AGTPBP1: variants seen among roughly 807,000 people sequenced by gnomAD.
The protein encoded by AGTPBP1 is cytosolic carboxypeptidase 1.
Under a neutral mutation model 143.9 loss-of-function variants are expected in AGTPBP1, and 70 were observed. That is an observed-to-expected ratio of 0.49 (90% CI 0.40 to 0.59). AGTPBP1 has a LOEUF of 0.59. Among genes scored for constraint, AGTPBP1 ranks in the 20% least tolerant of loss-of-function variants. The probability of loss-of-function intolerance (pLI) is 0.00; values close to 1 mark genes in which losing one functional copy is unlikely to be tolerated. For missense variants in AGTPBP1, 1,229 were observed against 1,464.5 expected (o/e 0.84, Z 2.62); for synonymous variants, 463 against 500.2 (o/e 0.93, Z 0.99).
At chr9:85,606,657 G>C (rs1412861762) in intron 17 of AGTPBP1, among the ~76,000 whole-genome samples, 4 of 151,910 alleles carry the variant, frequency 2.6e-5, no homozygotes, top group African/African-American at 9.7e-5. Flanking sequence ...ATCAACCTCA[G>C]CATCCATCAA....
At chr9:85,643,011 G>C (rs775986611) in intron 12 of AGTPBP1, 68 bp from the exon 13 acceptor site, 3 of 987,022 alleles carry the variant, frequency 3.0e-6, no homozygotes, top group South Asian at 2.9e-5. Flanking sequence ...AAACATTTTA[G>C]ATTTAAAATG....
upstream of AGTPBP1, among the ~76,000 whole-genome samples, chr9:85,746,106 CTT>C (rs1209506494): frequency 6.6e-6 from 1 of 152,068 alleles, no homozygotes; most frequent in African/African-American, 2.4e-5. Context: ...GGCGACCAGC[CTT>C]CCTTTTCCCC....
chr9:85,671,564 G>A (rs568835637), intron 7 of AGTPBP1, among the ~76,000 whole-genome samples: 8 of 151,694 alleles, frequency 5.3e-5, no homozygotes, highest in South Asian at 2.1e-4. Flanking sequence ...ATGTATATAC[G>A]CAATATACAC....
the AGTPBP1 span, chr9:85,781,100 A>G: frequency 2.2e-6 from 3 of 1,385,792 alleles, no homozygotes; most frequent in Non-Finnish European, 2.8e-6. Context: ...AGCCTGGGCG[A>G]CAGTGCAAGA....
chr9:85,619,015 T>C lies in AGTPBP1; in HGVS notation c.2303A>G (p.Asn768Ser). 1 of 1,613,512 alleles carries C rather than the reference T, an allele frequency of 6.2e-7. No homozygotes were observed. The highest frequency in any genetic ancestry group is 8.5e-7 in the Non-Finnish European group (1 of 1,179,772). Residue 768 changes from asparagine to serine, a missense_variant, in exon 17 of 26, where the codon AAC becomes AGC. Around this residue, in one of 2 missense-constraint regions of AGTPBP1, gnomAD observed 486 missense variants for 652.3 expected, o/e 0.75. Coordinates refer to ENST00000357081, the MANE Select transcript of AGTPBP1 (RefSeq NM_001330701.2). ...AAACTGACTGTTGGACTTTTCACAG[T>C]TAATGATGTTAAACCTGTAAGCAAC... ...PGVAYRFNII[N>S]CEKSNSQFNY...
chr9:85,626,685 TCTC>T (rs10551728), intron 14 of AGTPBP1, among the ~76,000 whole-genome samples: 22,505 of 151,996 alleles, frequency 0.15, 1,963 homozygotes, highest in East Asian at 0.37. Context: ...TCAGCAAACT[TCTC>T]CTACAAAGAG....
intron 1 of AGTPBP1, among the ~76,000 whole-genome samples, chr9:85,719,737 C>T (rs978063901): frequency 6.6e-6 from 1 of 152,156 alleles, no homozygotes; most frequent in Non-Finnish European, 1.5e-5. Flanking sequence ...TTGTCTTGTG[C>T]CAGTTTTCAA....
At position 85,628,492 on chromosome 9, in the gene AGTPBP1, T is replaced by C. The variant is rs537898400; in HGVS notation, c.2015+4170A>G. Among the ~76,000 whole-genome samples the C allele has an allele frequency of 9.2e-5, 14 of 152,282 alleles. 1 individual carries two copies. In the South Asian group the frequency reaches 1.5e-3, roughly 16 times the overall value. ...GCAAAGGTTTTAGATTGCTTCAGAA[T>C]TTATGACTTATTTCTGCAGCAACAA... is the stretch of plus-strand genomic sequence containing the variant. On this transcript the variant is annotated intron_variant, in intron 14 of 25. Coordinates refer to ENST00000357081, the MANE Select transcript of AGTPBP1 (RefSeq NM_001330701.2).
chr9:85,625,613 C>T (rs62566939), intron 14 of AGTPBP1, among the ~76,000 whole-genome samples: 2,477 of 151,142 alleles, frequency 0.016, 29 homozygotes, highest in Middle Eastern at 0.055. Context: ...TTGCCGGGCA[C>T]GGTGGCTCAC....
chr9:85,623,816 G>C (rs1831102100), intron 14 of AGTPBP1, among the ~76,000 whole-genome samples: 1 of 151,260 alleles, frequency 6.6e-6, no homozygotes, highest in African/African-American at 2.4e-5. Flanking sequence ...GTGTTAAGCA[G>C]ATCAACTTTT....
At chr9:85,569,950 C>G (rs1465911718) in intron 25 of AGTPBP1, among the ~76,000 whole-genome samples, 2 of 152,200 alleles carry the variant, frequency 1.3e-5, no homozygotes, top group African/African-American at 4.8e-5. Flanking sequence ...TTTTCTTCAG[C>G]CTTAACTTTT....
intron 8 of AGTPBP1, among the ~76,000 whole-genome samples, chr9:85,665,333 T>C (rs1416232396): frequency 1.3e-5 from 2 of 152,086 alleles, no homozygotes; most frequent in African/African-American, 2.4e-5. Flanking sequence ...ACACCAAAGA[T>C]TGCCAGCAAA....
the AGTPBP1 span, among the ~76,000 whole-genome samples, chr9:85,801,703 T>C: frequency 6.6e-6 from 1 of 152,172 alleles, no homozygotes; most frequent in African/African-American, 2.4e-5. Flanking sequence ...ATTAGAAATC[T>C]CACTTTAGCA....
chr9:85,799,074 G>A, the AGTPBP1 span, among the ~76,000 whole-genome samples: 2 of 152,028 alleles, frequency 1.3e-5, no homozygotes, highest in African/African-American at 2.4e-5. Flanking sequence ...GAGTGAGAAC[G>A]TGCGGTGTTT....
chr9:85,742,453 A>G (rs1373114734), upstream of AGTPBP1, among the ~76,000 whole-genome samples: 1 of 151,678 alleles, frequency 6.6e-6, no homozygotes, highest in Non-Finnish European at 1.5e-5. Context: ...GGACTGCGGT[A>G]AAGCTTAGAC....
chr9:85,552,898 T>C (rs1826114966), intron 25 of AGTPBP1, among the ~76,000 whole-genome samples: 1 of 152,168 alleles, frequency 6.6e-6, no homozygotes, highest in Non-Finnish European at 1.5e-5. Flanking sequence ...AACAGAAAAA[T>C]ATGCCATTGC....
the AGTPBP1 span, among the ~76,000 whole-genome samples, chr9:85,788,960 G>A: frequency 7.2e-5 from 11 of 151,938 alleles, no homozygotes; most frequent in South Asian, 2.3e-3. Context: ...ATTTGAGAAT[G>A]TATTCTGATA....
intron 14 of AGTPBP1, 107 bp downstream of exon 14, chr9:85,632,555 A>G (rs1831747549): frequency 6.1e-6 from 6 of 981,360 alleles, no homozygotes; most frequent in Middle Eastern, 2.4e-4. Context: ...ACAGTAACTT[A>G]TAACTCACAG....
chr9:85,699,602 C>CA (rs33990890), intron 2 of AGTPBP1, among the ~76,000 whole-genome samples: 1,719 of 143,696 alleles, frequency 0.012, 19 homozygotes, highest in Non-Finnish European at 0.016. Context: ...TAATAAACAG[C>CA]AAAAAAAAAA....
Sources: allele counts gnomAD v4.1 joint callset (sites outside exome capture counted in the v4.1 genomes callset), GRCh38; gene constraint gnomAD v4.1.1; regional missense constraint gnomAD v4.1.1; transcripts MANE v1.5; gene names NCBI Gene and HGNC (gene_info 2026-07-23, HGNC 2026-07-21).